The following WASF2 variants were observed in gnomAD, a reference collection of about 807,000 sequenced individuals.
WASF2 encodes the protein actin-binding protein WASF2.
WASF2 carries 14 observed loss-of-function variants against 45.0 expected under a neutral mutation model. The observed-to-expected ratio is 0.31, with a 90% CI of 0.21 to 0.49. The LOEUF is 0.49. Ranked by LOEUF, WASF2 falls within the 20% of genes least tolerant of loss-of-function variation. The probability of loss-of-function intolerance (pLI) is 0.99; values close to 1 mark genes in which losing one functional copy is unlikely to be tolerated. For missense variants in WASF2, 439 were observed against 636.1 expected (o/e 0.69, Z 3.33); for synonymous variants, 200 against 236.3 (o/e 0.85, Z 1.41).
At chr1:27,444,168 C>T (rs1187902989) in intron 1 of WASF2, among the ~76,000 whole-genome samples, 1 of 152,192 alleles carries the variant, frequency 6.6e-6, no homozygotes. Flanking sequence ...CAGCTTCAGT[C>T]TCCTGGGCTC....
At chr1:27,416,750 A>G (rs1190246466) in intron 4 of WASF2, among the ~76,000 whole-genome samples, 1 of 152,252 alleles carries the variant, frequency 6.6e-6, no homozygotes, top group Admixed American at 6.5e-5. Flanking sequence ...TAAGACCACA[A>G]GGTTTAATCA....
At chr1:27,417,818 G>GGA (rs2016847113) in intron 4 of WASF2, among the ~76,000 whole-genome samples, 1 of 152,182 alleles carries the variant, frequency 6.6e-6, no homozygotes, top group African/African-American at 2.4e-5. Flanking sequence ...GAGCAGCCAG[G>GGA]CCAAGAGGCT....
At chr1:27,481,552 A>G (rs1156244704) in intron 1 of WASF2, among the ~76,000 whole-genome samples, 1 of 151,868 alleles carries the variant, frequency 6.6e-6, no homozygotes, top group East Asian at 1.9e-4. Context: ...TACAAAAATT[A>G]GCCAGGCATG....
intron 1 of WASF2, among the ~76,000 whole-genome samples, chr1:27,482,384 C>T (rs773104856): frequency 5.9e-5 from 9 of 152,112 alleles, no homozygotes; most frequent in Non-Finnish European, 1.2e-4. Context: ...AGTGTTTATG[C>T]GGGGACATCA....
At position 27,407,901 on chromosome 1, in the gene WASF2, C is replaced by T; in HGVS notation, c.*288G>A. 3.2e-6 allele frequency: 1 copy of T among 316,456 alleles called. No homozygotes were observed. The highest frequency in any genetic ancestry group is 5.8e-6 in the Non-Finnish European group (1 of 171,250). The allele number at this position is 316,456 out of a possible 1,614,324, so 19.6% of individuals were successfully genotyped here. A position where few individuals can be genotyped will look rare whatever the true frequency, so the allele number is the denominator to read the frequency against. On this transcript the variant is annotated 3_prime_UTR_variant, in exon 9 of 9. Transcript: ENST00000618852. Reference sequence around the variant, plus strand: ...ACAGAAACCCGATCAAAGGAATCTGCTTTGGGATTTCTCCTTCCTTTCAAT... The same window carrying T: ...ACAGAAACCCGATCAAAGGAATCTGTTTTGGGATTTCTCCTTCCTTTCAAT...
intron 1 of WASF2, among the ~76,000 whole-genome samples, chr1:27,487,692 A>G (rs1334416216): frequency 1.8e-5 from 2 of 112,632 alleles, no homozygotes; most frequent in African/African-American, 3.5e-5. Flanking sequence ...AATATATAAT[A>G]TATATTTTAT....
intron 1 of WASF2, among the ~76,000 whole-genome samples, chr1:27,466,800 G>C (rs2017616599): frequency 6.6e-6 from 1 of 152,152 alleles, no homozygotes; most frequent in South Asian, 2.1e-4. Flanking sequence ...AGGCTGCAAT[G>C]AGCTGAAATC....
At chr1:27,430,734 C>T (rs2017050256) in intron 1 of WASF2, among the ~76,000 whole-genome samples, 1 of 151,696 alleles carries the variant, frequency 6.6e-6, no homozygotes, top group African/African-American at 2.4e-5. Flanking sequence ...GACCGCCTTG[C>T]TCAAATGATC....
intron 4 of WASF2, 93 bp downstream of exon 4, chr1:27,418,176 C>T: frequency 7.1e-7 from 1 of 1,415,352 alleles, no homozygotes; most frequent in South Asian, 1.5e-5. Flanking sequence ...CTTTTAGATA[C>T]AATCCTCTGA....
At chr1:27,449,830 G>A (rs1322064689) in intron 1 of WASF2, among the ~76,000 whole-genome samples, 1 of 151,748 alleles carries the variant, frequency 6.6e-6, no homozygotes, top group Non-Finnish European at 1.5e-5. Context: ...GTCCAATCTG[G>A]GACAGAGCAG....
intron 1 of WASF2, among the ~76,000 whole-genome samples, chr1:27,442,369 C>G (rs1479929995): frequency 2.6e-5 from 4 of 151,816 alleles, no homozygotes; most frequent in Admixed American, 6.6e-5. Flanking sequence ...TATGGTAAAA[C>G]CCCGTCTCTA....
chr1:27,421,610 G>A (rs2016909670), intron 2 of WASF2, among the ~76,000 whole-genome samples: 1 of 152,164 alleles, frequency 6.6e-6, no homozygotes. Flanking sequence ...AAGGTCAGGA[G>A]TTTGAGACCA....
intron 1 of WASF2, among the ~76,000 whole-genome samples, chr1:27,470,715 C>T (rs2148137306): frequency 6.6e-6 from 1 of 152,252 alleles, no homozygotes; most frequent in Non-Finnish European, 1.5e-5. Flanking sequence ...TCTCATTGAA[C>T]CTGTGTTCCT....
intron 2 of WASF2, among the ~76,000 whole-genome samples, chr1:27,419,405 T>C (rs2016871615): frequency 6.6e-6 from 1 of 152,170 alleles, no homozygotes; most frequent in African/African-American, 2.4e-5. Flanking sequence ...AAGATAATAT[T>C]TCTACACATT....
chr1:27,472,951 G>A (rs1321674094), intron 1 of WASF2, among the ~76,000 whole-genome samples: 3 of 126,774 alleles, frequency 2.4e-5, no homozygotes, highest in South Asian at 4.9e-4. Flanking sequence ...CAGCCTGGGA[G>A]ACACAGCAAG....
intron 2 of WASF2, among the ~76,000 whole-genome samples, chr1:27,425,157 T>C (rs962621762): frequency 6.6e-6 from 1 of 152,126 alleles, no homozygotes; most frequent in Non-Finnish European, 1.5e-5. Context: ...GGCATGATCA[T>C]GGCTCACTGC....
chr1:27,411,167 A>G (rs1307511397), intron 7 of WASF2, among the ~76,000 whole-genome samples: 1 of 152,236 alleles, frequency 6.6e-6, no homozygotes, highest in Non-Finnish European at 1.5e-5. Context: ...TTAGGTCTCC[A>G]TCCGAGGGGT....
intron 1 of WASF2, among the ~76,000 whole-genome samples, chr1:27,462,631 T>C (rs2017561421): frequency 1.3e-5 from 2 of 152,108 alleles, no homozygotes; most frequent in Non-Finnish European, 2.9e-5. Flanking sequence ...ATGGAAAATT[T>C]TTCCCTCAAC....
At chr1:27,482,950 G>A (rs1571169170) in intron 1 of WASF2, among the ~76,000 whole-genome samples, 1 of 152,254 alleles carries the variant, frequency 6.6e-6, no homozygotes, top group South Asian at 2.1e-4. Flanking sequence ...GGGGCAGAGG[G>A]GGTGCTATTG....
Sources: allele counts gnomAD v4.1 joint callset (sites outside exome capture counted in the v4.1 genomes callset), GRCh38; gene constraint gnomAD v4.1.1; transcripts MANE v1.5; gene names NCBI Gene and HGNC (gene_info 2026-07-23, HGNC 2026-07-21).